Variants in LRMDA observed in about 807,000 individuals in gnomAD.
The protein encoded by LRMDA is leucine rich melanocyte differentiation associated.
In LRMDA, 18 loss-of-function variants were observed where a neutral mutation model predicts 29.8. The observed-to-expected ratio is 0.60, with a 90% CI of 0.42 to 0.90. LRMDA has a LOEUF of 0.90. LRMDA is among the 40% of genes least tolerant of loss of function. LRMDA has a pLI of 0.00. For synonymous variants in LRMDA, 125 were observed against 109.4 expected, an observed-to-expected ratio of 1.14 and a Z score of -0.89; for missense variants, 273 against 273.9, an observed-to-expected ratio of 1.00 and a Z score of 0.02.
intron 2 of LRMDA, among the ~76,000 whole-genome samples, chr10:75,824,628 C>T (rs1235198083): frequency 2.0e-5 from 3 of 152,186 alleles, no homozygotes; most frequent in African/African-American, 4.8e-5. Context: ...ATTCTCCTGA[C>T]ACTTTAGAGG....
chr10:76,518,348 C>T (rs964531541), intron 6 of LRMDA, among the ~76,000 whole-genome samples: 5 of 151,508 alleles, frequency 3.3e-5, no homozygotes, highest in East Asian at 1.9e-4. Flanking sequence ...GTATCTCTGT[C>T]GAATAGAATA....
chr10:76,393,320 T>TATGA (rs1841745571), intron 6 of LRMDA, among the ~76,000 whole-genome samples: 1 of 152,104 alleles, frequency 6.6e-6, no homozygotes, highest in African/African-American at 2.4e-5. Context: ...CCCACATCCT[T>TATGA]ATGAATACTT....
At chr10:76,533,927 T>C (rs577813698) in intron 6 of LRMDA, among the ~76,000 whole-genome samples, 2 of 152,326 alleles carry the variant, frequency 1.3e-5, no homozygotes, top group African/African-American at 4.8e-5. Context: ...GGCTCTTAAG[T>C]GACTGCAGTA....
intron 5 of LRMDA, among the ~76,000 whole-genome samples, chr10:76,191,650 C>T (rs1851248856): frequency 6.6e-6 from 1 of 152,148 alleles, no homozygotes; most frequent in Non-Finnish European, 1.5e-5. Flanking sequence ...CCCTGTAGGG[C>T]CCTTTTAGGA....
chr10:76,258,738 T>C (rs1345447867), intron 5 of LRMDA, among the ~76,000 whole-genome samples: 1 of 152,202 alleles, frequency 6.6e-6, no homozygotes, highest in Non-Finnish European at 1.5e-5. Flanking sequence ...TCCTGACTTA[T>C]TTCGCTTAAC....
intron 2 of LRMDA, chr10:75,552,688 C>T (rs1416785810): frequency 3.0e-6 from 1 of 329,094 alleles, no homozygotes; most frequent in Non-Finnish European, 6.1e-6. Context: ...TCTCTCTCTC[C>T]TACTTTTGGG....
intron 2 of LRMDA, among the ~76,000 whole-genome samples, chr10:75,958,139 AG>A (rs1469074887): frequency 6.6e-6 from 1 of 152,092 alleles, no homozygotes; most frequent in Non-Finnish European, 1.5e-5. Context: ...TACTTATGTG[AG>A]GAGGAGAAGG....
At chr10:75,945,494 A>G (rs905840199) in intron 2 of LRMDA, among the ~76,000 whole-genome samples, 1 of 151,548 alleles carries the variant, frequency 6.6e-6, no homozygotes, top group African/African-American at 2.4e-5. Context: ...CATTTTAGCC[A>G]CTCCATCTTG....
intron 2 of LRMDA, among the ~76,000 whole-genome samples, chr10:75,740,968 A>G (rs1478443485): frequency 1.3e-5 from 2 of 152,120 alleles, no homozygotes; most frequent in African/African-American, 2.4e-5. Context: ...ATATTAAGGT[A>G]TGTTTATTAA....
chr10:75,617,938 GCCT>G (rs1564523547), intron 2 of LRMDA, among the ~76,000 whole-genome samples: 3 of 152,178 alleles, frequency 2.0e-5, no homozygotes, highest in Admixed American at 6.5e-5. Flanking sequence ...GGCCTTTGTC[GCCT>G]TGGCTAGAAG....
chr10:75,596,264 G>C (rs1191444816), intron 2 of LRMDA, among the ~76,000 whole-genome samples: 6 of 152,178 alleles, frequency 3.9e-5, no homozygotes, highest in Non-Finnish European at 7.3e-5. Flanking sequence ...AAAAAAGCCA[G>C]GATTTAAAAC....
chr10:75,990,869 G>A (rs1260846417), intron 2 of LRMDA, among the ~76,000 whole-genome samples: 1 of 152,188 alleles, frequency 6.6e-6, no homozygotes, highest in Non-Finnish European at 1.5e-5. Context: ...CTTGCAGGAA[G>A]GGAAGCCTTG....
At chr10:76,434,284 TA>T (rs1403754708) in intron 6 of LRMDA, among the ~76,000 whole-genome samples, 1 of 152,138 alleles carries the variant, frequency 6.6e-6, no homozygotes, top group Non-Finnish European at 1.5e-5. Context: ...TGGGTTTTGT[TA>T]AGTTTTAATC....
chr10:75,933,905 T>C (rs1846245042), intron 2 of LRMDA, among the ~76,000 whole-genome samples: 1 of 152,182 alleles, frequency 6.6e-6, no homozygotes, highest in Non-Finnish European at 1.5e-5. Flanking sequence ...CACTCTTACA[T>C]AGGACAGCCA....
intron 2 of LRMDA, among the ~76,000 whole-genome samples, chr10:75,779,059 T>C (rs1330505243): frequency 6.6e-6 from 1 of 152,168 alleles, no homozygotes; most frequent in African/African-American, 2.4e-5. Flanking sequence ...TTTGTAAAGG[T>C]AGGAGAGCTA....
chr10:76,555,006 A>G (rs919403479), intron 6 of LRMDA, among the ~76,000 whole-genome samples: 1 of 152,094 alleles, frequency 6.6e-6, no homozygotes, highest in Non-Finnish European at 1.5e-5. Flanking sequence ...ATGTTATCCT[A>G]GTGCCATAGA....
intron 6 of LRMDA, among the ~76,000 whole-genome samples, chr10:76,440,822 C>T (rs1010885922): frequency 1.3e-5 from 2 of 152,140 alleles, no homozygotes; most frequent in Non-Finnish European, 2.9e-5. Context: ...TTGGAAGACT[C>T]AAAGCTGGTG....
chr10:76,382,889 A>G (rs1160428071), intron 6 of LRMDA, among the ~76,000 whole-genome samples: 1 of 152,182 alleles, frequency 6.6e-6, no homozygotes, highest in Non-Finnish European at 1.5e-5. Context: ...TGATCACTCT[A>G]CCCAGACTGT....
At chr10:76,005,999 G>A (rs1460938643) in intron 2 of LRMDA, among the ~76,000 whole-genome samples, 1 of 152,064 alleles carries the variant, frequency 6.6e-6, no homozygotes, top group East Asian at 1.9e-4. Flanking sequence ...GAAGGTTCTA[G>A]GCTGTGGTGA....
Sources: allele counts gnomAD v4.1 joint callset (sites outside exome capture counted in the v4.1 genomes callset), GRCh38; gene constraint gnomAD v4.1.1; transcripts MANE v1.5; gene names NCBI Gene and HGNC (gene_info 2026-07-23, HGNC 2026-07-21).